Variants in ST18 observed in about 807,000 individuals in gnomAD.
ST18 encodes the protein ST18 C2H2C-type zinc finger transcription factor, also known as suppression of tumorigenicity 18 protein.
A neutral mutation model predicts 110.0 loss-of-function variants in ST18; 50 were observed. The observed-to-expected ratio is 0.45, with a 90% CI of 0.36 to 0.58. ST18 has a LOEUF of 0.58. Among genes scored for constraint, ST18 ranks in the 20% least tolerant of loss-of-function variants. ST18 has a pLI of 0.00. For synonymous variants in ST18, 461 were observed against 452.4 expected, an observed-to-expected ratio of 1.02 and a Z score of -0.24; for missense variants, 1,306 against 1,280.1, an observed-to-expected ratio of 1.02 and a Z score of -0.31.
At position 52,131,951 on chromosome 8, in the gene ST18, A is replaced by G. The variant is rs374608437; in HGVS notation, c.2666+7T>C. ...ACTACAACAAAAAGACAGAAAACTC[A>G]TGTTACCTTCGGTGGGTGACAAAAA... is the stretch of plus-strand genomic sequence containing the variant. On this transcript the variant is annotated splice_region_variant and intron_variant, in intron 22 of 25. Transcript: ENST00000689386. 6.7e-4 allele frequency: 1,080 copies of G among 1,613,626 alleles called. 2 individuals are homozygous for G. Among genetic ancestry groups the G allele is most frequent in the Non-Finnish European group, 8.0e-4 (939 of 1,179,828 alleles).
chr8:52,197,889 G>GCACGCA lies in ST18; in HGVS notation c.86+14189_86+14190insTGCGTG, dbSNP rs1554700395. Among the ~76,000 whole-genome samples, 7 of 150,262 alleles carry GCACGCA rather than the reference G, an allele frequency of 4.7e-5. No homozygotes were observed. In the East Asian group the frequency reaches 1.4e-3, roughly 30 times the overall value. On this transcript the variant is annotated intron_variant, in intron 8 of 25. Transcript: ENST00000689386. Reference sequence around the variant, plus strand: ...GAGGGAAAACAGCAAAACAAAATGAGCACACACACACACACACACACACAA... The same window carrying GCACGCA: ...GAGGGAAAACAGCAAAACAAAATGAGCACGCACACACACACACACACACACACACAA...
At chr8:52,212,221 G>C in intron 7 of ST18, 112 bp from the exon 8 acceptor site, 1 of 975,154 alleles carries the variant, frequency 1.0e-6, no homozygotes, top group South Asian at 1.5e-5. Flanking sequence ...TTTCTCACTG[G>C]GTGGGTTCAT....
intron 2 of ST18, among the ~76,000 whole-genome samples, chr8:52,388,669 G>C (rs943194906): frequency 6.6e-6 from 1 of 151,928 alleles, no homozygotes; most frequent in African/African-American, 2.4e-5. Context: ...GAAGGGAATA[G>C]CGTAGGAAAG....
At chr8:52,184,925 G>T (rs905946038) in intron 8 of ST18, among the ~76,000 whole-genome samples, 2 of 152,054 alleles carry the variant, frequency 1.3e-5, no homozygotes, top group Non-Finnish European at 2.9e-5. Context: ...TTCATTGAAA[G>T]GGGCCAAGAA....
chr8:52,366,880 A>T (rs1326326484), intron 2 of ST18, among the ~76,000 whole-genome samples: 1 of 152,230 alleles, frequency 6.6e-6, no homozygotes, highest in Non-Finnish European at 1.5e-5. Context: ...AAGTGCCTAG[A>T]AAATAGCGGG....
chr8:52,159,135 A>G (rs202157301), intron 14 of ST18, 26 bp from the exon 15 acceptor site: 2 of 1,603,126 alleles, frequency 1.2e-6, no homozygotes, highest in African/African-American at 1.3e-5. Flanking sequence ...TTGATTAGCA[A>G]TTGCATGTAC....
intron 2 of ST18, among the ~76,000 whole-genome samples, chr8:52,403,161 T>A (rs1843330235): frequency 6.6e-6 from 1 of 151,366 alleles, no homozygotes; most frequent in African/African-American, 2.4e-5. Context: ...TCCCAGGGGG[T>A]ATGGAGTTGC....
chr8:52,317,510 T>C (rs75317409), intron 2 of ST18, among the ~76,000 whole-genome samples: 2,575 of 152,338 alleles, frequency 0.017, 61 homozygotes, highest in African/African-American at 0.059. Flanking sequence ...CATATTTCTG[T>C]TGTTTTAAGC....
At chr8:52,234,511 C>T (rs1033764105) in intron 2 of ST18, among the ~76,000 whole-genome samples, 3 of 152,112 alleles carry the variant, frequency 2.0e-5, no homozygotes, top group South Asian at 2.1e-4. Flanking sequence ...AATCCATCCG[C>T]CTTGGCCTCC....
chr8:52,401,247 TA>T (rs1842736624), intron 2 of ST18, among the ~76,000 whole-genome samples: 1 of 152,184 alleles, frequency 6.6e-6, no homozygotes, highest in Non-Finnish European at 1.5e-5. Context: ...TGCTGCTTTT[TA>T]AATTCTCTCT....
intron 2 of ST18, chr8:52,407,254 C>G (rs562496908): frequency 5.9e-5 from 9 of 152,148 alleles, no homozygotes; most frequent in Non-Finnish European, 1.0e-4. Context: ...TGTAGAGTAT[C>G]ACGTGTTTTA....
chr8:52,369,525 G>T (rs1300185484), intron 2 of ST18, among the ~76,000 whole-genome samples: 2 of 152,136 alleles, frequency 1.3e-5, no homozygotes, highest in African/African-American at 2.4e-5. Context: ...GCCTACTTAT[G>T]CCCAGACAGT....
chr8:52,271,370 A>G (rs896036405), intron 2 of ST18, among the ~76,000 whole-genome samples: 2 of 152,182 alleles, frequency 1.3e-5, no homozygotes, highest in Non-Finnish European at 2.9e-5. Context: ...TAGTGAATCC[A>G]TAGTGGTGTT....
intron 2 of ST18, among the ~76,000 whole-genome samples, chr8:52,330,329 C>A (rs1004418018): frequency 6.6e-6 from 1 of 152,208 alleles, no homozygotes; most frequent in South Asian, 2.1e-4. Context: ...AAGAGCCTGG[C>A]GTTAATTAAT....
rs1180258941 is a variant in ST18, at chr8:52,376,547, T to C, written c.-465+32781A>G. On this transcript the variant is annotated intron_variant, in intron 2 of 25. Coordinates refer to ENST00000689386, the MANE Select transcript of ST18 (RefSeq NM_001352837.2). ...TTCCCCTATCTGCCCTACTCTTTCT[T>C]TCCATCTATAGTACTCATCATCTTC... Among the ~76,000 whole-genome samples, 8 of 152,250 alleles carry C rather than the reference T, an allele frequency of 5.3e-5. No individual in the cohort carries two copies. In the East Asian group the frequency reaches 1.5e-3, roughly 29 times the overall value.
chr8:52,282,803 G>A (rs1219516209), intron 2 of ST18, among the ~76,000 whole-genome samples: 1 of 152,122 alleles, frequency 6.6e-6, no homozygotes, highest in Non-Finnish European at 1.5e-5. Context: ...AAGGGAAGAG[G>A]CCCCGAGAAA....
At chr8:52,269,492 G>A (rs1057226898) in intron 2 of ST18, among the ~76,000 whole-genome samples, 2 of 152,158 alleles carry the variant, frequency 1.3e-5, no homozygotes, top group Non-Finnish European at 2.9e-5. Flanking sequence ...CTAGCTGCCT[G>A]TTAGGCCACC....
chr8:52,295,378 C>T (rs2095616337), intron 2 of ST18, among the ~76,000 whole-genome samples: 2 of 152,112 alleles, frequency 1.3e-5, no homozygotes, highest in South Asian at 4.1e-4. Context: ...CAGGTTTCTT[C>T]CCTTACCTGG....
Position 52,165,235 on chromosome 8 carries a change from A to G in ST18, c.1205-10T>C. The G allele has an allele frequency of 1.2e-6, 2 of 1,613,938 alleles. No homozygotes were observed. Among genetic ancestry groups the G allele is most frequent in the African/African-American group, 1.3e-5 (1 of 75,060 alleles). On this transcript the variant is annotated splice_polypyrimidine_tract_variant and intron_variant, in intron 11 of 25. Transcript: ENST00000689386. Reference sequence around the variant, plus strand: ...TCATGCATGGCAAGAACTAAGCACAAAACAACACATAAAGGAAAGAATACT... The same window carrying G: ...TCATGCATGGCAAGAACTAAGCACAGAACAACACATAAAGGAAAGAATACT...
Sources: allele counts gnomAD v4.1 joint callset (sites outside exome capture counted in the v4.1 genomes callset), GRCh38; gene constraint gnomAD v4.1.1; transcripts MANE v1.5; gene names NCBI Gene and HGNC (gene_info 2026-07-23, HGNC 2026-07-21).